The following TMPRSS15 variants were observed in gnomAD, a reference collection of about 807,000 sequenced individuals.
TMPRSS15 encodes the protein transmembrane serine protease 15, also known as enteropeptidase.
TMPRSS15 carries 128 observed loss-of-function variants against 125.3 expected under a neutral mutation model. The observed-to-expected ratio is 1.02, with a 90% CI of 0.89 to 1.18. The LOEUF (loss-of-function observed/expected upper bound fraction) is 1.18. Among genes scored for constraint, TMPRSS15 ranks in the 50% most tolerant of loss-of-function variants. The pLI is 0.00. For synonymous variants in TMPRSS15, 446 were observed against 423.2 expected, an observed-to-expected ratio of 1.05 and a Z score of -0.66; for missense variants, 1,283 against 1,212.7, an observed-to-expected ratio of 1.06 and a Z score of -0.86.
At chr21:18,411,543 G>A (rs2076166035) in intron 1 of TMPRSS15, among the ~76,000 whole-genome samples, 1 of 152,052 alleles carries the variant, frequency 6.6e-6, no homozygotes, top group Non-Finnish European at 1.5e-5. Context: ...ACCTATGTGA[G>A]ACTATCTTTT....
Position 18,403,466 on chromosome 21 carries a change from C to T in TMPRSS15, c.145+12G>A. The stretch of plus-strand genomic sequence containing the variant: ...TGAGAGCACCTTCACGAGCCAACTC[C>T]ATGTGACTTACCTCGTTGGGATTCC... On this transcript the variant is annotated intron_variant, in intron 1 of 24. Coordinates refer to ENST00000284885, the MANE Select transcript of TMPRSS15 (RefSeq NM_002772.3). The T allele has an allele frequency of 6.2e-7, 1 of 1,614,042 alleles. No homozygotes were observed. Among genetic ancestry groups the T allele is most frequent in the East Asian group, 2.2e-5 (1 of 44,868 alleles).
chr21:18,427,346 T>G (rs2123203797), intron 1 of TMPRSS15, among the ~76,000 whole-genome samples: 1 of 133,398 alleles, frequency 7.5e-6, no homozygotes, highest in Non-Finnish European at 1.6e-5. Context: ...CCACACACAC[T>G]TATTTTCCAT....
chr21:18,303,425 T>C (rs9984010), intron 18 of TMPRSS15, among the ~76,000 whole-genome samples: 118,425 of 151,918 alleles, frequency 0.78, 46,270 homozygotes, highest in African/African-American at 0.8. Flanking sequence ...TATTATTTCA[T>C]TGGATTTTAT....
chr21:18,313,165 A>G, intron 17 of TMPRSS15, 88 bp from the exon 18 acceptor site: 2 of 874,824 alleles, frequency 2.3e-6, no homozygotes, highest in Non-Finnish European at 3.9e-6. Flanking sequence ...ACAGAGCTTC[A>G]TTTAGACAGG....
chr21:18,355,193 A>G (rs2075612719), intron 8 of TMPRSS15, among the ~76,000 whole-genome samples: 1 of 151,860 alleles, frequency 6.6e-6, no homozygotes, highest in Admixed American at 6.6e-5. Flanking sequence ...CACTTAAGGG[A>G]TGTGAACATT....
intron 13 of TMPRSS15, among the ~76,000 whole-genome samples, chr21:18,337,564 G>A (rs573025631): frequency 0.03 from 4,551 of 152,222 alleles, 109 homozygotes; most frequent in Middle Eastern, 0.085. Context: ...TAGAATCAAT[G>A]CAGCAGAAAG....
chr21:18,284,423 T>C (rs1164474954), intron 21 of TMPRSS15, among the ~76,000 whole-genome samples: 2 of 152,246 alleles, frequency 1.3e-5, no homozygotes, highest in African/African-American at 4.8e-5. Flanking sequence ...TTTGGAAAGT[T>C]GGAGTGGCAC....
intron 18 of TMPRSS15, among the ~76,000 whole-genome samples, chr21:18,308,392 C>G (rs991387364): frequency 1.3e-5 from 2 of 151,860 alleles, no homozygotes; most frequent in African/African-American, 2.4e-5. Context: ...CACACACACA[C>G]ACACACACAC....
chr21:18,321,354 T>C (rs1029248514), intron 16 of TMPRSS15, among the ~76,000 whole-genome samples: 2 of 134,982 alleles, frequency 1.5e-5, no homozygotes. Context: ...TCCTTCTTTT[T>C]TTTTTTTTTT....
chr21:18,352,794 G>C, intron 10 of TMPRSS15, 109 bp downstream of exon 10: 1 of 1,151,760 alleles, frequency 8.7e-7, no homozygotes, highest in Non-Finnish European at 1.3e-6. Flanking sequence ...AACCCAAAAA[G>C]ACTTTTGCAT....
chr21:18,360,357 T>A (rs921276650), intron 7 of TMPRSS15, among the ~76,000 whole-genome samples: 2 of 152,154 alleles, frequency 1.3e-5, no homozygotes, highest in Non-Finnish European at 2.9e-5. Flanking sequence ...ACGTTCTTTT[T>A]ACCTTTTGTT....
At chr21:18,463,482 G>A (rs2122953892) in intron 1 of TMPRSS15, among the ~76,000 whole-genome samples, 16 of 151,892 alleles carry the variant, frequency 1.1e-4, no homozygotes, top group Admixed American at 1.3e-4. Flanking sequence ...AAGAGACCTA[G>A]ACTCCCACAC....
chr21:18,348,877 C>A (rs13047640), intron 10 of TMPRSS15, among the ~76,000 whole-genome samples: 17,219 of 152,218 alleles, frequency 0.11, 1,215 homozygotes, highest in Non-Finnish European at 0.15. Context: ...ATGTGTCAGC[C>A]ATTTTTCAGA....
intron 1 of TMPRSS15, among the ~76,000 whole-genome samples, chr21:18,466,685 GA>G (rs1978669029): frequency 6.6e-6 from 1 of 152,140 alleles, no homozygotes; most frequent in Admixed American, 6.5e-5. Flanking sequence ...GGTCACTAGA[GA>G]AATGCAAATC....
chr21:18,412,366 G>A (rs1399228382), intron 1 of TMPRSS15, among the ~76,000 whole-genome samples: 3 of 152,114 alleles, frequency 2.0e-5, no homozygotes, highest in Non-Finnish European at 4.4e-5. Context: ...GCTAAGTTCT[G>A]TCTTAACACA....
intron 1 of TMPRSS15, among the ~76,000 whole-genome samples, chr21:18,413,363 T>TTCCTTCCTTCCTTCCTTC (rs1569064084): frequency 5.1e-5 from 6 of 117,238 alleles, no homozygotes; most frequent in African/African-American, 1.9e-4. Context: ...TTCCTTCCTT[T>TTCCTTCCTTCCTTCCTTC]CCTTCCTTCC....
At chr21:18,294,787 G>T (rs921971925) in intron 19 of TMPRSS15, 135 bp from the exon 20 acceptor site, 5 of 777,130 alleles carry the variant, frequency 6.4e-6, no homozygotes, top group Non-Finnish European at 1.1e-5. Flanking sequence ...TAGGGAGACT[G>T]AATTGTAAGC....
chr21:18,357,266 C>T (rs753040501), intron 8 of TMPRSS15, among the ~76,000 whole-genome samples: 3 of 151,836 alleles, frequency 2.0e-5, no homozygotes, highest in African/African-American at 7.2e-5. Flanking sequence ...ACTTTCCCAG[C>T]ACTCTATTTT....
At chr21:18,379,465 T>A (rs1323610861) in intron 4 of TMPRSS15, 147 bp from the exon 5 acceptor site, 1 of 368,058 alleles carries the variant, frequency 2.7e-6, no homozygotes, top group African/African-American at 2.1e-5. Flanking sequence ...GTATGTCATT[T>A]GTATTTGGAT....
Sources: allele counts gnomAD v4.1 joint callset (sites outside exome capture counted in the v4.1 genomes callset), GRCh38; gene constraint gnomAD v4.1.1; transcripts MANE v1.5; gene names NCBI Gene and HGNC (gene_info 2026-07-23, HGNC 2026-07-21).